Variants in ANK3 observed in about 807,000 individuals in gnomAD.
The protein encoded by ANK3 is ankyrin 3, also known as ankyrin-3.
ANK3 carries 57 observed loss-of-function variants against 370.9 expected under a neutral mutation model. The observed-to-expected ratio is 0.15, with a 90% confidence interval of 0.12 to 0.19. The LOEUF (loss-of-function observed/expected upper bound fraction) is 0.19, where lower values mean the gene tolerates loss of function less well. Ranked by LOEUF, ANK3 falls within the 10% of genes least tolerant of loss-of-function variation. ANK3 has a pLI of 1.00. For synonymous variants in ANK3, 1,929 were observed against 1,946.3 expected, an observed-to-expected ratio of 0.99 and a Z score of 0.23; for missense variants, 4,439 against 5,302.1, an observed-to-expected ratio of 0.84 and a Z score of 5.06.
At chr10:60,395,249 A>T (rs1469729736) in intron 2 of ANK3, among the ~76,000 whole-genome samples, 18 of 152,248 alleles carry the variant, frequency 1.2e-4, no homozygotes. Context: ...GTACCAAAAA[A>T]TGCAAAGTAG....
chr10:60,236,237 A>G (rs1282793516), intron 7 of ANK3, among the ~76,000 whole-genome samples: 1 of 152,060 alleles, frequency 6.6e-6, no homozygotes, highest in African/African-American at 2.4e-5. Context: ...CTGCAATTTA[A>G]TTATCTCTAA....
chr10:60,116,059 T>C (rs2093055514), intron 25 of ANK3, among the ~76,000 whole-genome samples: 1 of 152,112 alleles, frequency 6.6e-6, no homozygotes, highest in South Asian at 2.1e-4. Context: ...TAGAATTCTC[T>C]TTAAAAAGTG....
intron 14 of ANK3, among the ~76,000 whole-genome samples, chr10:60,197,476 T>C (rs1223925045): frequency 6.6e-6 from 1 of 152,136 alleles, no homozygotes; most frequent in Non-Finnish European, 1.5e-5. Flanking sequence ...GCTGGTATGG[T>C]GAAATGCCTG....
intron 1 of ANK3, among the ~76,000 whole-genome samples, chr10:60,632,185 G>T (rs72637063): frequency 1.2e-4 from 2 of 16,046 alleles, no homozygotes; most frequent in Non-Finnish European, 3.2e-4. Context: ...ACCATTTAAT[G>T]TTATGTTATC....
At chr10:60,203,372 G>C (rs1350893055) in intron 11 of ANK3, among the ~76,000 whole-genome samples, 1 of 152,142 alleles carries the variant, frequency 6.6e-6, no homozygotes, top group Non-Finnish European at 1.5e-5. Context: ...TTTTAATGTA[G>C]ATCTTTGAAA....
rs1342090767 is a variant in ANK3 at position 60,695,366 on chromosome 10, T to C, written c.57+37897A>G. On this transcript the variant is annotated intron_variant, in intron 1 of 43. Transcript: ENST00000373827. ...ACGAGACAGAAAGTCAACAAGGATA[T>C]CCAGGAATTGAACTCAGCTCTGCAC... 9.2e-5 allele frequency among the ~76,000 whole-genome samples: 14 copies of C among 152,076 alleles called. No homozygotes were observed. In the East Asian group the frequency reaches 1.9e-3, roughly 21 times the overall value.
intron 2 of ANK3, among the ~76,000 whole-genome samples, chr10:60,487,402 G>A (rs1413181347): frequency 6.6e-6 from 1 of 152,148 alleles, no homozygotes; most frequent in African/African-American, 2.4e-5. Context: ...CTAAAGCAAA[G>A]GAGTTTCCTA....
chr10:60,259,301 A>G (rs533894605), intron 7 of ANK3, among the ~76,000 whole-genome samples: 1 of 152,328 alleles, frequency 6.6e-6, no homozygotes, highest in East Asian at 1.9e-4. Flanking sequence ...AGAGAAGCAT[A>G]GCTCATTTGG....
chr10:60,699,634 A>T (rs1382043703), intron 1 of ANK3, among the ~76,000 whole-genome samples: 2 of 152,020 alleles, frequency 1.3e-5, no homozygotes, highest in African/African-American at 2.4e-5. Context: ...TCAATTTTTT[A>T]AAATTAGTAT....
intron 2 of ANK3, among the ~76,000 whole-genome samples, chr10:60,567,282 C>T (rs1026416250): frequency 1.8e-4 from 27 of 152,246 alleles, no homozygotes; most frequent in African/African-American, 6.0e-4. Context: ...TAGCTAGTGA[C>T]ATTAAGTTGA....
chr10:60,287,499 A>G (rs2040286415), intron 1 of ANK3, among the ~76,000 whole-genome samples: 2 of 152,206 alleles, frequency 1.3e-5, no homozygotes, highest in African/African-American at 4.8e-5. Context: ...GATAAGGAAA[A>G]TAGCTGCAAT....
At position 60,578,823 on chromosome 10, in the gene ANK3, T is replaced by A. The variant is rs909673027; in HGVS notation, c.96+36363A>T. Among the ~76,000 whole-genome samples the A allele has an allele frequency of 2.0e-5, 3 of 152,354 alleles. No individual in the cohort carries two copies. In the South Asian group the frequency reaches 6.2e-4, roughly 32 times the overall value. On this transcript the variant is annotated intron_variant, in intron 2 of 43. Transcript: ENST00000373827. ...AAAATAAAAGGGATTAGAAAAGGAA[T>A]TAGATTTCTTAAAATTTTAACTTAA...
At chr10:60,410,346 A>C (rs1352379007) in intron 2 of ANK3, among the ~76,000 whole-genome samples, 5 of 151,886 alleles carry the variant, frequency 3.3e-5, no homozygotes, top group Non-Finnish European at 5.9e-5. Context: ...TGATTTCTCC[A>C]CACCAGGTGT....
At chr10:60,181,477 C>T (rs1173481431) in intron 17 of ANK3, 50 bp from the exon 18 acceptor site, 1 of 1,508,984 alleles carries the variant, frequency 6.6e-7, no homozygotes, top group African/African-American at 1.4e-5. Flanking sequence ...GAATGTCACA[C>T]ACATAGCCAT....
At chr10:60,583,832 C>T (rs560590303) in intron 2 of ANK3, among the ~76,000 whole-genome samples, 37 of 152,170 alleles carry the variant, frequency 2.4e-4, no homozygotes, top group African/African-American at 8.9e-4. Flanking sequence ...GATCCACCTG[C>T]CTTGACCTCC....
intron 1 of ANK3, among the ~76,000 whole-genome samples, chr10:60,628,736 C>T (rs2078443043): frequency 1.3e-5 from 2 of 152,266 alleles, no homozygotes; most frequent in South Asian, 4.1e-4. Flanking sequence ...TTGAAGTTCA[C>T]TCATGTTTAA....
At chr10:60,082,837 G>C (rs1305978321) in intron 33 of ANK3, 100 bp from the exon 34 acceptor site, 2 of 1,356,884 alleles carry the variant, frequency 1.5e-6, no homozygotes, top group Non-Finnish European at 2.0e-6. Context: ...AGCCCTATGA[G>C]AGGCAGGAAA....
intron 2 of ANK3, among the ~76,000 whole-genome samples, chr10:60,420,533 T>G (rs544615346): frequency 6.6e-6 from 1 of 152,116 alleles, no homozygotes; most frequent in South Asian, 2.1e-4. Flanking sequence ...ATTAGAGGAA[T>G]GCAATGAGAT....
chr10:60,399,297 C>T (rs187774878), intron 2 of ANK3, among the ~76,000 whole-genome samples: 2 of 152,184 alleles, frequency 1.3e-5, no homozygotes, highest in East Asian at 3.9e-4. Flanking sequence ...AGGTCTGTGA[C>T]CTAAAAGAAA....
Sources: allele counts gnomAD v4.1 joint callset (sites outside exome capture counted in the v4.1 genomes callset), GRCh38; gene constraint gnomAD v4.1.1; transcripts MANE v1.5; gene names NCBI Gene and HGNC (gene_info 2026-07-23, HGNC 2026-07-21).